Variants in TENM2 observed in about 807,000 individuals in gnomAD.
The protein encoded by TENM2 is teneurin-2.
In TENM2, 52 loss-of-function variants were observed where a neutral mutation model predicts 245.2. The observed-to-expected ratio is 0.21, with a 90% confidence interval of 0.17 to 0.27. The LOEUF (loss-of-function observed/expected upper bound fraction) is 0.27, where lower values mean the gene tolerates loss of function less well. Among genes scored for constraint, TENM2 ranks in the 10% least tolerant of loss-of-function variants. TENM2 has a pLI of 1.00. For synonymous variants in TENM2, 1,363 were observed against 1,438.9 expected, an observed-to-expected ratio of 0.95 and a Z score of 1.19; for missense variants, 3,046 against 3,666.8, an observed-to-expected ratio of 0.83 and a Z score of 4.37.
At chr5:167,672,522 C>T (rs1455322251) in intron 2 of TENM2, among the ~76,000 whole-genome samples, 1 of 151,946 alleles carries the variant, frequency 6.6e-6, no homozygotes. Flanking sequence ...CATACATACC[C>T]CACAGGCAAG....
chr5:168,107,142 A>G (rs570745983), intron 9 of TENM2, among the ~76,000 whole-genome samples: 2 of 152,220 alleles, frequency 1.3e-5, no homozygotes, highest in Admixed American at 1.3e-4. Flanking sequence ...GGCACGTTCC[A>G]TCACCTTCCT....
At chr5:167,230,662 G>C in the TENM2 span, among the ~76,000 whole-genome samples, 31,553 of 152,022 alleles carry the variant, frequency 0.21, 3,844 homozygotes, top group African/African-American at 0.34. Context: ...AGATAGGATG[G>C]AGCTCTGGCC....
chr5:167,909,451 A>C (rs1041585349), intron 3 of TENM2, among the ~76,000 whole-genome samples: 4 of 152,208 alleles, frequency 2.6e-5, no homozygotes, highest in Non-Finnish European at 4.4e-5. Flanking sequence ...TATTGAAAGT[A>C]TTGTTGCACT....
chr5:167,375,276 TC>T lies in TENM2; in HGVS notation c.307del (p.Leu103PhefsTer34), dbSNP rs1760678848. 6.4e-7 allele frequency: 1 copy of T among 1,551,616 alleles called. No homozygotes were observed. The highest frequency in any genetic ancestry group is 8.7e-7 in the Non-Finnish European group (1 of 1,147,010). ...AGCGGCTACTGCTCCGACATGGGGA[TC>T]CTTCACCAGGGCTACTCCCTTAGCA... On this transcript the variant is annotated frameshift_variant, in exon 2 of 29. Coordinates refer to ENST00000518659, the Ensembl canonical transcript of TENM2. LOFTEE classifies it high-confidence loss of function.
intron 1 of TENM2, chr5:167,287,684 A>G (rs1581667958): frequency 6.6e-6 from 1 of 152,178 alleles, no homozygotes; most frequent in African/African-American, 2.4e-5. Context: ...TCCCATGAGA[A>G]GTTTACGGAA....
At chr5:167,656,085 A>G (rs779845394) in intron 2 of TENM2, among the ~76,000 whole-genome samples, 2 of 152,186 alleles carry the variant, frequency 1.3e-5, no homozygotes, top group Non-Finnish European at 2.9e-5. Context: ...ATTACTTGCT[A>G]GTGGGAATAC....
chr5:167,167,736 C>A, the TENM2 span, among the ~76,000 whole-genome samples: 9 of 152,222 alleles, frequency 5.9e-5, no homozygotes, highest in Non-Finnish European at 1.0e-4. Flanking sequence ...ATTGTGAGCT[C>A]CTTAAACACT....
At chr5:167,387,095 A>G (rs528887949) in intron 2 of TENM2, among the ~76,000 whole-genome samples, 59 of 152,202 alleles carry the variant, frequency 3.9e-4, no homozygotes, top group Non-Finnish European at 6.9e-4. Flanking sequence ...GATTGCTTTC[A>G]GCAGTATGGT....
chr5:167,317,627 A>T (rs1184614515), intron 1 of TENM2, among the ~76,000 whole-genome samples: 1 of 152,210 alleles, frequency 6.6e-6, no homozygotes, highest in African/African-American at 2.4e-5. Flanking sequence ...CATTGTGATT[A>T]TTGCCAATAT....
intron 1 of TENM2, chr5:167,287,772 T>A (rs1359136987): frequency 1.3e-5 from 2 of 152,254 alleles, no homozygotes; most frequent in East Asian, 3.8e-4. Context: ...TGGCTTCTTC[T>A]CTTGAGTATG....
rs563022734 is a variant in TENM2, at chr5:167,845,286, G to T, written c.503-30700G>T. On this transcript the variant is annotated intron_variant, in intron 2 of 28. Transcript: ENST00000518659. ...ACACACACACACACACACACAACAC[G>T]GCCCCACTCTCTCTCTCTGAATTTT... Among the ~76,000 whole-genome samples the T allele has an allele frequency of 1.0e-4, 8 of 77,772 alleles. No homozygotes were observed. In the East Asian group the frequency reaches 3.4e-3, roughly 34 times the overall value. The allele number at this position is 77,772 out of a possible 152,430, so 51.0% of individuals were successfully genotyped here.
intron 13 of TENM2, among the ~76,000 whole-genome samples, chr5:168,174,701 C>A (rs1437361385): frequency 1.3e-5 from 2 of 152,172 alleles, no homozygotes; most frequent in African/African-American, 2.4e-5. Flanking sequence ...AGCCCTGGGC[C>A]AGCTGATGAG....
chr5:167,853,948 TG>T lies in TENM2; in HGVS notation c.503-22037del, dbSNP rs1770836174. Among the ~76,000 whole-genome samples, 3 of 152,200 alleles carry T rather than the reference TG, an allele frequency of 2.0e-5. No individual in the cohort carries two copies. The South Asian group carries it at 6.2e-4, about 32-fold the overall frequency. ...CTATCATGAAAACAACTGGGAACATTGTACTGTTGTGAATCTACATTTCTAC... is the reference window on the plus strand; with the variant it reads ...CTATCATGAAAACAACTGGGAACATTTACTGTTGTGAATCTACATTTCTAC... On this transcript the variant is annotated intron_variant, in intron 2 of 28. Coordinates refer to ENST00000518659, the Ensembl canonical transcript of TENM2.
intron 4 of TENM2, among the ~76,000 whole-genome samples, chr5:167,988,821 C>T (rs1783438606): frequency 6.6e-6 from 1 of 152,172 alleles, no homozygotes. Flanking sequence ...CCTAAGCTGA[C>T]TTTATTTTTA....
Position 167,378,143 on chromosome 5 carries a change from T to C in TENM2, c.502+2670T>C, listed in dbSNP as rs1443104982. Among the ~76,000 whole-genome samples the C allele has an allele frequency of 4.6e-5, 7 of 152,288 alleles. No homozygotes were observed. The South Asian group carries it at 6.2e-4, about 14-fold the overall frequency. ...CCCTTAAAAAATTCCAGTTGTGATTTTGCTAAGCATAGTTAATGAGTGAAG... is the reference window on the plus strand; with the variant it reads ...CCCTTAAAAAATTCCAGTTGTGATTCTGCTAAGCATAGTTAATGAGTGAAG... On this transcript the variant is annotated intron_variant, in intron 2 of 28. Transcript: ENST00000518659.
chr5:168,012,660 A>C lies in TENM2; in HGVS notation c.1186+19478A>C, dbSNP rs1203106764. 3.6e-4 allele frequency among the ~76,000 whole-genome samples: 53 copies of C among 148,328 alleles called. No homozygotes were observed. In the East Asian group the frequency reaches 4.5e-3, roughly 13 times the overall value. The stretch of plus-strand genomic sequence containing the variant: ...AAGACTCTGTCTCAAAAAAAAAAAA[A>C]CAAAAAAAAAAACTGAAGGTGAGGG... On this transcript the variant is annotated intron_variant, in intron 5 of 28. Coordinates refer to ENST00000518659, the Ensembl canonical transcript of TENM2.
At chr5:167,907,560 T>C (rs1375734016) in intron 3 of TENM2, among the ~76,000 whole-genome samples, 2 of 119,114 alleles carry the variant, frequency 1.7e-5, no homozygotes, top group African/African-American at 3.6e-5. Flanking sequence ...TATATATATA[T>C]ATATATATAT....
chr5:167,108,318 G>T, the TENM2 span, among the ~76,000 whole-genome samples: 3 of 152,046 alleles, frequency 2.0e-5, no homozygotes, highest in East Asian at 1.9e-4. Context: ...TAGAGATGGG[G>T]TTTCACCATG....
At chr5:167,945,263 A>G (rs1779518885) in intron 3 of TENM2, among the ~76,000 whole-genome samples, 1 of 152,112 alleles carries the variant, frequency 6.6e-6, no homozygotes, top group Non-Finnish European at 1.5e-5. Context: ...CAAAAATAAT[A>G]TAAAACCATG....
Sources: gnomAD v4.1 joint callset for allele counts (sites outside exome capture counted in the v4.1 genomes callset) on GRCh38, gnomAD v4.1.1 for gene constraint, MANE v1.5 for transcripts, NCBI Gene and HGNC (gene_info 2026-07-23, HGNC 2026-07-21) for gene names.